The following CPED1 variants were observed in gnomAD, a reference collection of about 807,000 sequenced individuals.
The protein encoded by CPED1 is cadherin-like and PC-esterase domain-containing protein 1.
CPED1 carries 114 observed loss-of-function variants against 128.2 expected under a neutral mutation model. The observed-to-expected ratio is 0.89, with a 90% confidence interval of 0.76 to 1.04. CPED1 has a LOEUF of 1.04. CPED1 is among the 50% of genes least tolerant of loss of function. CPED1 has a pLI of 0.00. For missense variants in CPED1, 1,211 were observed against 1,207.1 expected (o/e 1.00, Z -0.05); for synonymous variants, 462 against 426.7 (o/e 1.08, Z -1.02).
chr7:121,015,402 G>T (rs934687851), intron 2 of CPED1, among the ~76,000 whole-genome samples: 1 of 152,178 alleles, frequency 6.6e-6, no homozygotes, highest in African/African-American at 2.4e-5. Context: ...GTATTTCTAT[G>T]CATCAGTATT....
intron 17 of CPED1, among the ~76,000 whole-genome samples, chr7:121,243,578 G>A (rs78016804): frequency 8.5e-4 from 129 of 152,116 alleles, no homozygotes; most frequent in African/African-American, 2.9e-3. Flanking sequence ...CCATTACATT[G>A]TTACACCAAT....
chr7:121,202,234 T>C (rs1258428583), intron 16 of CPED1, among the ~76,000 whole-genome samples: 1 of 152,160 alleles, frequency 6.6e-6, no homozygotes, highest in Non-Finnish European at 1.5e-5. Flanking sequence ...CAAAGAACTC[T>C]GCTGGTTTAC....
At chr7:121,177,707 C>T (rs909562735) in intron 16 of CPED1, among the ~76,000 whole-genome samples, 1 of 152,006 alleles carries the variant, frequency 6.6e-6, no homozygotes, top group Admixed American at 6.6e-5. Context: ...ATAATCCTTT[C>T]TGAAGTGGTC....
intron 5 of CPED1, among the ~76,000 whole-genome samples, chr7:121,086,689 C>A (rs1365755319): frequency 6.6e-6 from 1 of 152,192 alleles, no homozygotes; most frequent in Non-Finnish European, 1.5e-5. Flanking sequence ...TGCCAACATT[C>A]TCCAAGATAG....
chr7:121,294,808 A>G (rs1213610139), intron 22 of CPED1, among the ~76,000 whole-genome samples: 2 of 144,386 alleles, frequency 1.4e-5, no homozygotes, highest in African/African-American at 2.6e-5. Flanking sequence ...CTTCTAAGCA[A>G]AAAAAAAAAA....
intron 18 of CPED1, among the ~76,000 whole-genome samples, chr7:121,256,438 G>A (rs1197995729): frequency 6.6e-6 from 1 of 152,002 alleles, no homozygotes; most frequent in Non-Finnish European, 1.5e-5. Context: ...ATTTCAAGAT[G>A]TATTAAAGAT....
chr7:121,161,443 T>C lies in CPED1; in HGVS notation c.2055+19302T>C, dbSNP rs1294047661. 2.0e-5 allele frequency among the ~76,000 whole-genome samples: 3 copies of C among 152,292 alleles called. No homozygotes were observed. The East Asian group carries it at 5.8e-4, about 29-fold the overall frequency. On this transcript the variant is annotated intron_variant, in intron 16 of 22. Coordinates refer to ENST00000310396, the MANE Select transcript of CPED1 (RefSeq NM_024913.5). ...TGGGGACTCTCACACCTTGAATCTC[T>C]CTCCCAGGATTTTTCTCTCTCTGTC...
intron 16 of CPED1, 22 bp downstream of exon 16, chr7:121,142,163 A>T: frequency 6.4e-7 from 1 of 1,571,488 alleles, no homozygotes; most frequent in Non-Finnish European, 8.7e-7. Context: ...TTACATTTGC[A>T]CTTGGGTTGA....
chr7:121,059,778 TCA>T (rs1208406540), intron 4 of CPED1, among the ~76,000 whole-genome samples: 1 of 152,250 alleles, frequency 6.6e-6, no homozygotes, highest in Non-Finnish European at 1.5e-5. Context: ...ATGCATATTA[TCA>T]CACATTAGTG....
chr7:121,251,931 A>C (rs1186643436), intron 18 of CPED1, among the ~76,000 whole-genome samples: 4 of 151,860 alleles, frequency 2.6e-5, no homozygotes, highest in Non-Finnish European at 5.9e-5. Flanking sequence ...TCAAGCTACC[A>C]ATGACTTTCT....
chr7:121,194,048 A>ATTTTTTTTT (rs68159246), intron 16 of CPED1, among the ~76,000 whole-genome samples: 1 of 47,464 alleles, frequency 2.1e-5, no homozygotes, highest in African/African-American at 8.2e-5. Context: ...ATATATATAT[A>ATTTTTTTTT]TTTTTTTTTT....
At chr7:121,014,560 AATAAT>A (rs1792251536) in intron 2 of CPED1, among the ~76,000 whole-genome samples, 2 of 146,410 alleles carry the variant, frequency 1.4e-5, no homozygotes, top group African/African-American at 5.1e-5. Flanking sequence ...AAAAAAAAAA[AATAAT>A]AATAATAATA....
intron 3 of CPED1, among the ~76,000 whole-genome samples, chr7:121,026,251 A>T (rs1181112497): frequency 3.3e-5 from 5 of 152,186 alleles, no homozygotes; most frequent in Admixed American, 6.5e-5. Flanking sequence ...TCAAGTTTTC[A>T]AGAGAAACTG....
At chr7:121,031,305 A>T (rs903489867) in intron 3 of CPED1, among the ~76,000 whole-genome samples, 1 of 152,060 alleles carries the variant, frequency 6.6e-6, no homozygotes, top group Non-Finnish European at 1.5e-5. Flanking sequence ...CTGCCTGCCA[A>T]CTTTTTTCTT....
chr7:121,215,618 T>G (rs1797742961), intron 16 of CPED1, among the ~76,000 whole-genome samples: 1 of 152,064 alleles, frequency 6.6e-6, no homozygotes, highest in Non-Finnish European at 1.5e-5. Flanking sequence ...ATAAATGTAT[T>G]AGTTGAGATT....
At chr7:121,004,119 A>G (rs1437560963) in intron 2 of CPED1, among the ~76,000 whole-genome samples, 1 of 152,174 alleles carries the variant, frequency 6.6e-6, no homozygotes, top group Non-Finnish European at 1.5e-5. Flanking sequence ...CTGGAGATGC[A>G]GAGCCACCTG....
intron 13 of CPED1, among the ~76,000 whole-genome samples, chr7:121,134,973 A>G (rs1795753683): frequency 1.3e-5 from 2 of 152,170 alleles, no homozygotes; most frequent in South Asian, 4.1e-4. Flanking sequence ...TACTATTGCA[A>G]TAAGAGTGGA....
At chr7:121,271,970 C>A (rs934411600) in intron 22 of CPED1, among the ~76,000 whole-genome samples, 3 of 152,058 alleles carry the variant, frequency 2.0e-5, no homozygotes, top group Non-Finnish European at 2.9e-5. Context: ...CTATTTTATT[C>A]TTTTTTCTCC....
chr7:121,248,571 T>C (rs1798593096), intron 18 of CPED1, among the ~76,000 whole-genome samples: 1 of 115,438 alleles, frequency 8.7e-6, no homozygotes, highest in African/African-American at 3.7e-5. Context: ...AAGATTTTGC[T>C]AATATAGCAG....
Sources: gnomAD v4.1 joint callset for allele counts (sites outside exome capture counted in the v4.1 genomes callset) on GRCh38, gnomAD v4.1.1 for gene constraint, MANE v1.5 for transcripts, NCBI Gene and HGNC (gene_info 2026-07-23, HGNC 2026-07-21) for gene names.